MPHOSPH9: variants seen among roughly 807,000 people sequenced by gnomAD.
The protein encoded by MPHOSPH9 is M-phase phosphoprotein 9.
Under a neutral mutation model 145.5 loss-of-function variants are expected in MPHOSPH9, and 88 were observed. The ratio of observed to expected loss-of-function variants is 0.60; its 90% CI spans 0.51 to 0.72. The LOEUF is 0.72. Ranked by LOEUF, MPHOSPH9 falls within the 30% of genes least tolerant of loss-of-function variation. MPHOSPH9 has a pLI of 0.00. For missense variants in MPHOSPH9, 1,238 were observed against 1,386.6 expected (o/e 0.89, Z 1.70); for synonymous variants, 435 against 486.2 (o/e 0.89, Z 1.39).
chr12:123,175,400 G>A (rs550647636), intron 16 of MPHOSPH9, among the ~76,000 whole-genome samples: 75 of 152,028 alleles, frequency 4.9e-4, no homozygotes, highest in African/African-American at 1.6e-3. Flanking sequence ...TGATCCGCCC[G>A]CCTCGGCCTC....
At position 123,221,623 on chromosome 12, in the gene MPHOSPH9, TA is replaced by T. The variant is rs763182696; in HGVS notation, c.620del (p.Leu207Ter). 1 of 1,614,070 alleles carries T rather than the reference TA, an allele frequency of 6.2e-7. No homozygotes were observed. The highest frequency in any genetic ancestry group is 2.2e-5 in the East Asian group (1 of 44,900). On this transcript the variant is annotated frameshift_variant, in exon 5 of 24. Transcript: ENST00000606320. LOFTEE classifies it high-confidence loss of function. The stretch of plus-strand genomic sequence containing the variant: ...TAGGGTCTTTAGATTTGTACAGATT[TA>T]ATTCTGAGATACAAAAGGTGCCATA... ...SGYGTFCISE[L>X]NLYKSKDPKE...
At chr12:123,205,490 G>A (rs2046388180) in intron 8 of MPHOSPH9, among the ~76,000 whole-genome samples, 1 of 152,040 alleles carries the variant, frequency 6.6e-6, no homozygotes, top group Non-Finnish European at 1.5e-5. Context: ...AGGATGCAGT[G>A]AGCTGAGATC....
chr12:123,201,431 G>A (rs1351473270), intron 11 of MPHOSPH9, among the ~76,000 whole-genome samples: 2 of 152,080 alleles, frequency 1.3e-5, no homozygotes, highest in Non-Finnish European at 2.9e-5. Context: ...CCAGGCTGGA[G>A]TGCAGTGGTA....
At chr12:123,189,230 G>C (rs2045573136) in intron 13 of MPHOSPH9, among the ~76,000 whole-genome samples, 1 of 152,132 alleles carries the variant, frequency 6.6e-6, no homozygotes, top group Admixed American at 6.6e-5. Context: ...ATTCATGATG[G>C]AACATGCCCT....
intron 12 of MPHOSPH9, among the ~76,000 whole-genome samples, chr12:123,197,293 T>C (rs1409411037): frequency 6.6e-6 from 1 of 151,860 alleles, no homozygotes; most frequent in Admixed American, 6.6e-5. Context: ...GTCATCCTCC[T>C]GCCTCAGTCT....
At chr12:123,200,089 C>A (rs1474419353) in intron 11 of MPHOSPH9, among the ~76,000 whole-genome samples, 1 of 152,132 alleles carries the variant, frequency 6.6e-6, no homozygotes, top group Non-Finnish European at 1.5e-5. Context: ...ATCACTGTCC[C>A]AAGTTCTAAA....
chr12:123,207,144 G>T (rs2046470049), intron 8 of MPHOSPH9, among the ~76,000 whole-genome samples: 2 of 93,022 alleles, frequency 2.2e-5, no homozygotes, highest in African/African-American at 3.2e-5. Flanking sequence ...TTCTAAAGTG[G>T]TTAAAAAAAA....
At chr12:123,169,058 G>A (rs1179676458) in intron 16 of MPHOSPH9, among the ~76,000 whole-genome samples, 1 of 151,220 alleles carries the variant, frequency 6.6e-6, no homozygotes, top group Non-Finnish European at 1.5e-5. Flanking sequence ...CTAATTTTTT[G>A]TGTTTTTAGT....
At chr12:123,194,683 G>A (rs951333970) in intron 12 of MPHOSPH9, 82 bp from the exon 13 acceptor site, 39 of 1,011,660 alleles carry the variant, frequency 3.9e-5, no homozygotes, top group East Asian at 1.9e-4. Flanking sequence ...GTACAATGGC[G>A]CAATCTTGGC....
At chr12:123,192,998 G>A (rs1565931596) in intron 13 of MPHOSPH9, among the ~76,000 whole-genome samples, 1 of 148,984 alleles carries the variant, frequency 6.7e-6, no homozygotes, top group Non-Finnish European at 1.5e-5. Context: ...CTTGAACCTG[G>A]GAGGCAGAGT....
chr12:123,152,576 T>C (rs1018989752), downstream of MPHOSPH9: 11 of 456,578 alleles, frequency 2.4e-5, no homozygotes, highest in African/African-American at 2.2e-4. Context: ...TGGTACATAA[T>C]GTCCAGCAAA....
At chr12:123,181,138 T>G (rs200127677) in intron 14 of MPHOSPH9, 25 bp downstream of exon 14, 1 of 1,590,610 alleles carries the variant, frequency 6.3e-7, no homozygotes, top group South Asian at 1.1e-5. Context: ...GCATGAAATC[T>G]AGAACATGAA....
chr12:123,221,326 T>G, intron 5 of MPHOSPH9, 46 bp downstream of exon 5: 1 of 1,411,546 alleles, frequency 7.1e-7, no homozygotes. Context: ...GAACACTAGA[T>G]TCTAAATGTA....
intron 16 of MPHOSPH9, among the ~76,000 whole-genome samples, chr12:123,170,064 A>G (rs2044506873): frequency 1.3e-5 from 2 of 149,664 alleles, no homozygotes; most frequent in Non-Finnish European, 3.0e-5. Flanking sequence ...TACAGCCTCG[A>G]CCCCTCAGGC....
At chr12:123,212,812 T>C (rs2046794217) in intron 7 of MPHOSPH9, among the ~76,000 whole-genome samples, 1 of 131,884 alleles carries the variant, frequency 7.6e-6, no homozygotes, top group Admixed American at 9.3e-5. Context: ...AAAAGCGATA[T>C]GCAGTCAGTA....
At position 123,164,148 on chromosome 12, in the gene MPHOSPH9, A is replaced by C. The variant is rs1051521472; in HGVS notation, c.2768-58T>G. 3 of 1,602,286 alleles carry C rather than the reference A, an allele frequency of 1.9e-6. No individual in the cohort carries two copies. The South Asian group carries it at 3.3e-5, about 18-fold the overall frequency. ...ACAAATCAAAACAAGCCTACGCTTCAGTTATCCACCTTTATTAACAGGTGG... is the reference window on the plus strand; with the variant it reads ...ACAAATCAAAACAAGCCTACGCTTCCGTTATCCACCTTTATTAACAGGTGG... On this transcript the variant is annotated intron_variant, in intron 18 of 23. Coordinates refer to ENST00000606320, the MANE Select transcript of MPHOSPH9 (RefSeq NM_022782.4).
At chr12:123,153,744 C>T (rs61955251), downstream of MPHOSPH9, among the ~76,000 whole-genome samples, 2 of 121,746 alleles carry the variant, frequency 1.6e-5, no homozygotes, top group South Asian at 2.7e-4. Context: ...GCCTGGGCAA[C>T]AGAACTAGAG....
At chr12:123,158,943 T>C (rs2137845475) in intron 23 of MPHOSPH9, among the ~76,000 whole-genome samples, 1 of 152,144 alleles carries the variant, frequency 6.6e-6, no homozygotes, top group East Asian at 2.0e-4. Flanking sequence ...AAAATATCTT[T>C]GAATTAGGCC....
At chr12:123,220,382 A>G (rs2047147292) in intron 5 of MPHOSPH9, among the ~76,000 whole-genome samples, 1 of 151,652 alleles carries the variant, frequency 6.6e-6, no homozygotes, top group South Asian at 2.1e-4. Flanking sequence ...TGGCCAACAC[A>G]GCGGAACTCT....
Sources: gnomAD v4.1 joint callset for allele counts (sites outside exome capture counted in the v4.1 genomes callset) on GRCh38, gnomAD v4.1.1 for gene constraint, MANE v1.5 for transcripts, NCBI Gene and HGNC (gene_info 2026-07-23, HGNC 2026-07-21) for gene names.